NALF1: variants seen among roughly 807,000 people sequenced by gnomAD.
NALF1 encodes family with sequence similarity 155 member A.
Under a neutral mutation model 48.4 loss-of-function variants are expected in NALF1, and 3 were observed. That is an observed-to-expected ratio of 0.06 (90% CI 0.03 to 0.16). The LOEUF is 0.16. Ranked by LOEUF, NALF1 falls within the 10% of genes least tolerant of loss-of-function variation. The pLI is 1.00. For synonymous variants in NALF1, 262 were observed against 245.7 expected (o/e 1.07, Z -0.62); for missense variants, 526 against 571.5 (o/e 0.92, Z 0.81).
intron 1 of NALF1, among the ~76,000 whole-genome samples, chr13:107,461,170 A>C (rs149684933): frequency 6.6e-6 from 1 of 152,308 alleles, no homozygotes; most frequent in African/African-American, 2.4e-5. Flanking sequence ...CAAGGTCTAA[A>C]ATTTATCATT....
chr13:107,549,226 A>C (rs1295787763), intron 1 of NALF1, among the ~76,000 whole-genome samples: 1 of 152,200 alleles, frequency 6.6e-6, no homozygotes, highest in African/African-American at 2.4e-5. Flanking sequence ...ATCATTCCTT[A>C]CATTTATCAA....
intron 1 of NALF1, among the ~76,000 whole-genome samples, chr13:107,481,860 A>C (rs1177108038): frequency 6.6e-6 from 1 of 152,184 alleles, no homozygotes; most frequent in African/African-American, 2.4e-5. Flanking sequence ...TTTTTACCCG[A>C]TCAAGGCATA....
chr13:107,336,095 T>C (rs1882549825), intron 1 of NALF1, among the ~76,000 whole-genome samples: 1 of 152,094 alleles, frequency 6.6e-6, no homozygotes. Context: ...CTCACACCTG[T>C]AATAACAGCA....
At position 107,170,783 on chromosome 13, in the gene NALF1, A is replaced by G. The variant is rs377375241; in HGVS notation, c.1091T>C (p.Leu364Pro). 1 of 1,613,854 alleles carries G rather than the reference A, an allele frequency of 6.2e-7. No individual in the cohort carries two copies. The highest frequency in any genetic ancestry group is 8.5e-7 in the Non-Finnish European group (1 of 1,179,774). Residue 364 changes from leucine (L) to proline (P), a missense_variant, in exon 3 of 3, where the codon CTT becomes CCT. By Grantham distance (98) the Leu-to-Pro change is moderately conservative. Transcript: ENST00000375915. ...GGLSSFICTG[L>P]YETFLTNDEP... ...ATCATTGGTTAGAAAGGTTTCATAAAGCCCTGTAGGAAGAAGGAAGTAGAG... is the reference window on the plus strand; with the variant it reads ...ATCATTGGTTAGAAAGGTTTCATAAGGCCCTGTAGGAAGAAGGAAGTAGAG...
At chr13:107,610,876 C>T (rs912445) in intron 1 of NALF1, among the ~76,000 whole-genome samples, 36,028 of 151,888 alleles carry the variant, frequency 0.24, 5,008 homozygotes, top group Middle Eastern at 0.34. Flanking sequence ...AGGGGCTGGG[C>T]GAGCTGACAC....
chr13:107,766,634 G>C (rs1437750100), intron 1 of NALF1, among the ~76,000 whole-genome samples: 1 of 152,170 alleles, frequency 6.6e-6, no homozygotes, highest in Non-Finnish European at 1.5e-5. Flanking sequence ...CAACCTATGA[G>C]AGAATTTATA....
intron 1 of NALF1, among the ~76,000 whole-genome samples, chr13:107,499,572 T>G (rs985987144): frequency 6.6e-6 from 1 of 152,140 alleles, no homozygotes; most frequent in African/African-American, 2.4e-5. Context: ...TGGTTCAAAA[T>G]CCTAGGTTAT....
At chr13:107,211,720 A>G (rs1879765702) in intron 1 of NALF1, among the ~76,000 whole-genome samples, 2 of 152,208 alleles carry the variant, frequency 1.3e-5, no homozygotes, top group Non-Finnish European at 2.9e-5. Flanking sequence ...TTATCCAAGT[A>G]ACATTTTGCC....
intron 1 of NALF1, among the ~76,000 whole-genome samples, chr13:107,768,149 C>T (rs1390278465): frequency 6.6e-6 from 1 of 152,136 alleles, no homozygotes; most frequent in African/African-American, 2.4e-5. Context: ...ATCCATGATA[C>T]TTCATTGATC....
In NALF1 at chr13:107,596,009, G is replaced by A. The variant is rs542333664; in HGVS notation, c.915+269673C>T. ...AGAGTAATATTAAAGGTTGTGGGGT[G>A]GAAACTGCCAAAACCCAGCTGTGTA... On this transcript the variant is annotated intron_variant, in intron 1 of 2. Transcript: ENST00000375915. Among the ~76,000 whole-genome samples, 175 of 152,208 alleles carry A rather than the reference G, an allele frequency of 1.1e-3. 2 individuals are homozygous for A. The highest frequency in any genetic ancestry group is 2.1e-3 in the Non-Finnish European group (144 of 68,010).
At chr13:107,445,025 T>C (rs1853253977) in intron 1 of NALF1, among the ~76,000 whole-genome samples, 1 of 152,240 alleles carries the variant, frequency 6.6e-6, no homozygotes, top group African/African-American at 2.4e-5. Context: ...AATGTGGTGA[T>C]ATATTGCATA....
At chr13:107,324,785 A>T (rs760685550) in intron 1 of NALF1, among the ~76,000 whole-genome samples, 3 of 152,218 alleles carry the variant, frequency 2.0e-5, no homozygotes, top group Non-Finnish European at 2.9e-5. Flanking sequence ...AGAAATTATA[A>T]TTCATTACAA....
chr13:107,420,255 G>T (rs905734028), intron 1 of NALF1, among the ~76,000 whole-genome samples: 4 of 152,094 alleles, frequency 2.6e-5, no homozygotes, highest in Non-Finnish European at 4.4e-5. Flanking sequence ...AACAAAAAGA[G>T]GAAGGTAATC....
chr13:107,442,152 G>T (rs947579699), intron 1 of NALF1, among the ~76,000 whole-genome samples: 1 of 152,020 alleles, frequency 6.6e-6, no homozygotes, highest in Non-Finnish European at 1.5e-5. Context: ...GAATAATAAA[G>T]TGTTACCTGA....
At chr13:107,289,353 G>A (rs1400260514) in intron 1 of NALF1, among the ~76,000 whole-genome samples, 1 of 152,250 alleles carries the variant, frequency 6.6e-6, no homozygotes, top group Non-Finnish European at 1.5e-5. Flanking sequence ...CCTGAACACT[G>A]TTTAATCCCC....
At chr13:107,196,259 T>A (rs1031604969) in intron 2 of NALF1, among the ~76,000 whole-genome samples, 2 of 152,122 alleles carry the variant, frequency 1.3e-5, no homozygotes, top group Non-Finnish European at 2.9e-5. Flanking sequence ...GACATGACTT[T>A]ACCTATATAA....
chr13:107,608,001 G>C lies in NALF1; in HGVS notation c.915+257681C>G, dbSNP rs1170707644. Among the ~76,000 whole-genome samples, 4 of 152,244 alleles carry C rather than the reference G, an allele frequency of 2.6e-5. No homozygotes were observed. The South Asian group carries it at 8.3e-4, about 32-fold the overall frequency. On this transcript the variant is annotated intron_variant, in intron 1 of 2. Transcript: ENST00000375915. Reference sequence around the variant, plus strand: ...TACAAGCACCTCTATGTGAAACTCTGCCATTTTCTTAATTTCCATCTCATT... The same window carrying C: ...TACAAGCACCTCTATGTGAAACTCTCCCATTTTCTTAATTTCCATCTCATT...
chr13:107,787,900 T>C (rs1453533452), intron 1 of NALF1, among the ~76,000 whole-genome samples: 1 of 152,214 alleles, frequency 6.6e-6, no homozygotes, highest in Non-Finnish European at 1.5e-5. Context: ...ATTTCATTCA[T>C]TGTTAGGAAT....
chr13:107,452,831 G>A (rs1184740779), intron 1 of NALF1, among the ~76,000 whole-genome samples: 1 of 152,152 alleles, frequency 6.6e-6, no homozygotes, highest in South Asian at 2.1e-4. Context: ...AGATACAAAG[G>A]GGGTAAAGGC....
Sources: allele counts gnomAD v4.1 joint callset (sites outside exome capture counted in the v4.1 genomes callset), GRCh38; gene constraint gnomAD v4.1.1; transcripts MANE v1.5; gene names NCBI Gene and HGNC (gene_info 2026-07-23, HGNC 2026-07-21).